Variants in SPATA16 observed in about 807,000 individuals in gnomAD.
The protein encoded by SPATA16 is spermatogenesis associated 16.
SPATA16 carries 36 observed loss-of-function variants against 63.3 expected under a neutral mutation model. The ratio of observed to expected loss-of-function variants is 0.57; its 90% CI spans 0.44 to 0.75. The LOEUF (loss-of-function observed/expected upper bound fraction) is 0.75, where lower values mean the gene tolerates loss of function less well. SPATA16 is among the 30% of genes least tolerant of loss of function. SPATA16 has a pLI of 0.00. For synonymous variants in SPATA16, 203 were observed against 216.7 expected (o/e 0.94, Z 0.56); for missense variants, 646 against 679.3 (o/e 0.95, Z 0.54).
intron 2 of SPATA16, among the ~76,000 whole-genome samples, chr3:173,115,477 CAA>C (rs904445761): frequency 3.9e-5 from 6 of 152,140 alleles, no homozygotes; most frequent in African/African-American, 1.4e-4. Context: ...AGCTTTAGCT[CAA>C]AAGACTGTTC....
At chr3:172,982,805 A>G (rs1007976088) in intron 4 of SPATA16, among the ~76,000 whole-genome samples, 3 of 152,218 alleles carry the variant, frequency 2.0e-5, no homozygotes, top group Non-Finnish European at 2.9e-5. Flanking sequence ...TATTTCTAAG[A>G]CTGTGCAATT....
At chr3:173,088,368 C>A (rs1315655036) in intron 2 of SPATA16, among the ~76,000 whole-genome samples, 1 of 151,990 alleles carries the variant, frequency 6.6e-6, no homozygotes, top group Non-Finnish European at 1.5e-5. Flanking sequence ...CAGGTGTAAG[C>A]CACTGCACTT....
chr3:173,115,949 G>A (rs1737888066), intron 2 of SPATA16, among the ~76,000 whole-genome samples: 1 of 150,938 alleles, frequency 6.6e-6, no homozygotes. Context: ...CTGGAATGCA[G>A]TGGTGTAATT....
At chr3:172,902,858 T>C (rs1732150922) in intron 10 of SPATA16, among the ~76,000 whole-genome samples, 1 of 152,226 alleles carries the variant, frequency 6.6e-6, no homozygotes, top group African/African-American at 2.4e-5. Flanking sequence ...TCTCCACAGG[T>C]ATCATTTTAA....
At chr3:172,983,022 G>A (rs1734357463) in intron 4 of SPATA16, among the ~76,000 whole-genome samples, 1 of 152,178 alleles carries the variant, frequency 6.6e-6, no homozygotes, top group African/African-American at 2.4e-5. Flanking sequence ...TCATCACCTT[G>A]CCTTTAGGCA....
chr3:173,046,953 C>G (rs1735971367), intron 3 of SPATA16, among the ~76,000 whole-genome samples: 1 of 151,840 alleles, frequency 6.6e-6, no homozygotes, highest in African/African-American at 2.4e-5. Context: ...AACTTAGGAA[C>G]AGCAGCAAAA....
intron 2 of SPATA16, among the ~76,000 whole-genome samples, chr3:173,051,288 T>C (rs770043847): frequency 7.9e-5 from 12 of 152,276 alleles, no homozygotes; most frequent in African/African-American, 1.7e-4. Flanking sequence ...CAGCAACCTC[T>C]GCCTCCCGGG....
At position 172,916,359 on chromosome 3, in the gene SPATA16, G is replaced by A. The variant is rs1402085587; in HGVS notation, c.1461C>T (p.Thr487=). Reference sequence around the variant, plus strand: ...GACTGATGTCCTGTAGGTAGGGAATGGTTGCTAGCTCTGCCATTGCTTGAT... The same window carrying A: ...GACTGATGTCCTGTAGGTAGGGAATAGTTGCTAGCTCTGCCATTGCTTGAT... ...VINQAMAELA[T]IPYLQDISQQ... The change falls in exon 9 of 11, where the codon ACC becomes ACT. Residue 487 remains threonine, a synonymous_variant. Transcript: ENST00000351008. 1.9e-6 allele frequency: 3 copies of A among 1,613,676 alleles called. No individual in the cohort carries two copies. The highest frequency in any genetic ancestry group is 2.2e-5 in the South Asian group (2 of 91,084).
At chr3:173,042,203 A>G (rs1163552206) in intron 3 of SPATA16, among the ~76,000 whole-genome samples, 1 of 151,994 alleles carries the variant, frequency 6.6e-6, no homozygotes, top group Non-Finnish European at 1.5e-5. Flanking sequence ...TATGTTCAGA[A>G]GGGTATTTTA....
At position 172,999,042 on chromosome 3, in the gene SPATA16, G is replaced by A. The variant is rs149776667; in HGVS notation, c.848+20444C>T. On this transcript the variant is annotated intron_variant, in intron 4 of 10. Transcript: ENST00000351008. ...TGTCTGGTTTTGGTATTAGGATGAC[G>A]ACAGCCTCATAGAATGAGTTTGGAA... 1.5e-3 allele frequency among the ~76,000 whole-genome samples: 222 copies of A among 152,006 alleles called. 3 individuals carry two copies. The highest frequency in any genetic ancestry group is 5.1e-3 in the African/African-American group (212 of 41,470).
At chr3:173,109,492 T>C (rs1055333908) in intron 2 of SPATA16, among the ~76,000 whole-genome samples, 5 of 152,216 alleles carry the variant, frequency 3.3e-5, no homozygotes, top group African/African-American at 1.2e-4. Context: ...TCTCATCCCT[T>C]TTTAATAATA....
chr3:173,051,062 AAC>A (rs1254166230), intron 2 of SPATA16, among the ~76,000 whole-genome samples: 2 of 152,206 alleles, frequency 1.3e-5, no homozygotes, highest in South Asian at 2.1e-4. Context: ...GAAATACCTA[AAC>A]AGAGTTTTCC....
At chr3:173,116,814 G>A (rs536218937) in intron 2 of SPATA16, among the ~76,000 whole-genome samples, 14 of 152,254 alleles carry the variant, frequency 9.2e-5, no homozygotes, top group Admixed American at 2.6e-4. Context: ...TTATAGGTGG[G>A]CAGCTAAGTG....
chr3:173,125,711 C>T (rs538010701), intron 1 of SPATA16, among the ~76,000 whole-genome samples: 4 of 152,292 alleles, frequency 2.6e-5, no homozygotes, highest in South Asian at 2.1e-4. Flanking sequence ...ATGTATTTTA[C>T]GTCTCTCCAT....
At chr3:173,023,107 A>C (rs1275900429) in intron 3 of SPATA16, among the ~76,000 whole-genome samples, 3 of 150,408 alleles carry the variant, frequency 2.0e-5, no homozygotes, top group African/African-American at 7.3e-5. Flanking sequence ...TATCTTTTTT[A>C]TTAAAGTTCA....
chr3:172,986,916 A>C (rs1481587547), intron 4 of SPATA16, among the ~76,000 whole-genome samples: 1 of 152,174 alleles, frequency 6.6e-6, no homozygotes, highest in Non-Finnish European at 1.5e-5. Context: ...AAAATAGGAA[A>C]TTGAGATAAT....
intron 9 of SPATA16, among the ~76,000 whole-genome samples, chr3:172,914,529 A>C (rs1273742797): frequency 1.3e-5 from 2 of 152,112 alleles, no homozygotes; most frequent in African/African-American, 4.8e-5. Context: ...GCAGGAGGAG[A>C]GATAATTGAG....
chr3:173,098,813 T>C (rs1737420807), intron 2 of SPATA16, among the ~76,000 whole-genome samples: 1 of 152,188 alleles, frequency 6.6e-6, no homozygotes, highest in Non-Finnish European at 1.5e-5. Flanking sequence ...TCTTTTCTGA[T>C]AGAATGCAGC....
chr3:173,082,493 C>A (rs1259407956), intron 2 of SPATA16, among the ~76,000 whole-genome samples: 1 of 152,210 alleles, frequency 6.6e-6, no homozygotes, highest in African/African-American at 2.4e-5. Context: ...CCAGACCAAG[C>A]ATTTAAACTG....
Sources: gnomAD v4.1 joint callset for allele counts (sites outside exome capture counted in the v4.1 genomes callset) on GRCh38, gnomAD v4.1.1 for gene constraint, MANE v1.5 for transcripts, NCBI Gene and HGNC (gene_info 2026-07-23, HGNC 2026-07-21) for gene names.